Variants in IQGAP1 observed in about 807,000 individuals in gnomAD.
IQGAP1 encodes the protein ras GTPase-activating-like protein IQGAP1.
In IQGAP1, 66 loss-of-function variants were observed where a neutral mutation model predicts 215.6. The ratio of observed to expected loss-of-function variants is 0.31; its 90% CI spans 0.25 to 0.38. The LOEUF is 0.38. IQGAP1 is among the 10% of genes least tolerant of loss of function. The probability of loss-of-function intolerance (pLI) is 1.00; values close to 1 mark genes in which losing one functional copy is unlikely to be tolerated. For synonymous variants in IQGAP1, 772 were observed against 728.7 expected, an observed-to-expected ratio of 1.06 and a Z score of -0.96; for missense variants, 1,712 against 1,997.1, an observed-to-expected ratio of 0.86 and a Z score of 2.72.
At chr15:90,491,933 TG>T (rs1464824519) in intron 34 of IQGAP1, among the ~76,000 whole-genome samples, 1 of 152,240 alleles carries the variant, frequency 6.6e-6, no homozygotes, top group East Asian at 1.9e-4. Flanking sequence ...TGTTCTGTGC[TG>T]TTGCACTAAG....
Position 90,435,515 on chromosome 15 carries a change from A to C in IQGAP1, c.467+1720A>C, listed in dbSNP as rs557112143. 3.3e-4 allele frequency among the ~76,000 whole-genome samples: 50 copies of C among 152,336 alleles called. No homozygotes were observed. The South Asian group carries it at 8.7e-3, about 26-fold the overall frequency. ...AAACATTACCAAATATGTGTGTCTG[A>C]GTCCAGATCAGATTAATTCTGAGTA... On this transcript the variant is annotated intron_variant, in intron 5 of 37. Transcript: ENST00000268182.
intron 25 of IQGAP1, 118 bp downstream of exon 25, chr15:90,477,348 C>T (rs1226259649): frequency 2.3e-6 from 2 of 864,658 alleles, no homozygotes; most frequent in African/African-American, 3.4e-5. Context: ...AAAATACTTA[C>T]TCTAAAGAAG....
At chr15:90,467,614 A>T (rs369163326) in intron 18 of IQGAP1, 22 bp downstream of exon 18, 27 of 1,593,364 alleles carry the variant, frequency 1.7e-5, no homozygotes, top group African/African-American at 1.6e-4. Flanking sequence ...TTCTTCACGT[A>T]AGAAGAAGCT....
Position 90,501,818 on chromosome 15 carries a change from G to A in IQGAP1, c.*1710G>A, listed in dbSNP as rs572872439. 3 of 152,280 alleles carry A rather than the reference G, an allele frequency of 2.0e-5. No individual in the cohort carries two copies. The highest frequency in any genetic ancestry group is 7.2e-5 in the African/African-American group (3 of 41,528). 9.4% of individuals were successfully genotyped at this position (152,280 alleles called of 1,614,324 possible). ...GTGTGTCAACCCTGTTTCCTTAAAA[G>A]AGGCTATGAATCCCAAAGGCCACAT... On this transcript the variant is annotated 3_prime_UTR_variant, in exon 38 of 38. Transcript: ENST00000268182.
intron 17 of IQGAP1, 58 bp downstream of exon 17, chr15:90,466,494 A>ACCCCC: frequency 5.4e-6 from 8 of 1,476,666 alleles, no homozygotes; most frequent in Non-Finnish European, 7.6e-6. Flanking sequence ...ATATGAGGGG[A>ACCCCC]CAGATGTAGA....
chr15:90,428,506 G>C (rs62020723), intron 3 of IQGAP1, among the ~76,000 whole-genome samples: 29,158 of 151,862 alleles, frequency 0.19, 2,934 homozygotes, highest in Middle Eastern at 0.23. Flanking sequence ...TGGCTGGGAG[G>C]AGTGGCTCAT....
intron 37 of IQGAP1, among the ~76,000 whole-genome samples, chr15:90,497,886 C>T (rs887006025): frequency 6.6e-6 from 1 of 152,158 alleles, no homozygotes; most frequent in Non-Finnish European, 1.5e-5. Flanking sequence ...CGAGAGGATT[C>T]CTAGGTGACA....
intron 2 of IQGAP1, among the ~76,000 whole-genome samples, chr15:90,412,972 C>G (rs538139807): frequency 4.6e-5 from 7 of 152,234 alleles, no homozygotes; most frequent in African/African-American, 1.7e-4. Context: ...CTCCACAGAC[C>G]CCTAATTCAG....
chr15:90,494,939 A>T, intron 36 of IQGAP1, 104 bp downstream of exon 36: 1 of 744,012 alleles, frequency 1.3e-6, no homozygotes. Flanking sequence ...TACTTTTAGT[A>T]TTTTTTATGT....
intron 3 of IQGAP1, among the ~76,000 whole-genome samples, chr15:90,426,902 G>A (rs1175800392): frequency 1.4e-5 from 2 of 148,016 alleles, no homozygotes; most frequent in African/African-American, 5.1e-5. Flanking sequence ...GCAGTGAGCC[G>A]AGATCATGAC....
intron 22 of IQGAP1, 136 bp downstream of exon 22, chr15:90,474,269 T>A: frequency 1.2e-6 from 1 of 829,448 alleles, no homozygotes. Flanking sequence ...CATAAGCCCC[T>A]TTGCTAACAT....
Position 90,466,584 on chromosome 15 carries a change from CT to C in IQGAP1, c.2035+149del, listed in dbSNP as rs1378485866. 2.5e-5 allele frequency: 19 copies of C among 751,342 alleles called. 1 individual carries two copies. The highest frequency in any genetic ancestry group is 4.0e-5 in the Non-Finnish European group (19 of 479,474). The allele number at this position is 751,342 out of a possible 1,614,324, so 46.5% of individuals were successfully genotyped here. ...GCTCATTTTAAAGGAGATAAAATCC[CT>C]ATTTTTGAAAATATCCTTCCCCCCC... is the stretch of plus-strand genomic sequence containing the variant. On this transcript the variant is annotated intron_variant, in intron 17 of 37. Transcript: ENST00000268182.
At chr15:90,488,290 C>T (rs953263686) in intron 33 of IQGAP1, among the ~76,000 whole-genome samples, 82 of 151,678 alleles carry the variant, frequency 5.4e-4, no homozygotes, top group African/African-American at 1.8e-3. Context: ...CATATACTTA[C>T]GTTCTCCCAT....
intron 2 of IQGAP1, among the ~76,000 whole-genome samples, chr15:90,420,736 A>AT (rs1204224210): frequency 6.6e-6 from 1 of 152,176 alleles, no homozygotes; most frequent in Admixed American, 6.5e-5. Flanking sequence ...AGATTGATTG[A>AT]TTTTGAGACA....
At chr15:90,438,252 T>C (rs1200542476) in intron 5 of IQGAP1, among the ~76,000 whole-genome samples, 1 of 152,256 alleles carries the variant, frequency 6.6e-6, no homozygotes. Context: ...ATCTGTAAAG[T>C]ACCCTTCTGA....
intron 2 of IQGAP1, among the ~76,000 whole-genome samples, chr15:90,394,834 T>C (rs1340068785): frequency 6.6e-6 from 1 of 152,212 alleles, no homozygotes; most frequent in Non-Finnish European, 1.5e-5. Context: ...TTTAGTACAG[T>C]GGCCCCATTG....
intron 36 of IQGAP1, among the ~76,000 whole-genome samples, chr15:90,496,306 CTTTTTTT>C (rs552222380): frequency 1.4e-4 from 15 of 106,118 alleles, no homozygotes; most frequent in African/African-American, 5.3e-4. Context: ...AGCATAATCC[CTTTTTTT>C]TTTTTTTTTT....
intron 3 of IQGAP1, among the ~76,000 whole-genome samples, chr15:90,429,239 T>C (rs1199954226): frequency 6.6e-6 from 1 of 152,242 alleles, no homozygotes; most frequent in Non-Finnish European, 1.5e-5. Context: ...TTAGTTTTTA[T>C]ACATACAAAG....
chr15:90,495,384 A>G lies in IQGAP1; in HGVS notation c.4751+549A>G, dbSNP rs540324210. The stretch of plus-strand genomic sequence containing the variant: ...TCTTCTTTTGTCTGTTTAGGGGGGG[A>G]AAAAAAACAACTTTTAAAAAAAGAA... On this transcript the variant is annotated intron_variant, in intron 36 of 37. Transcript: ENST00000268182. Among the ~76,000 whole-genome samples the G allele has an allele frequency of 4.8e-3, 518 of 108,052 alleles. 4 individuals are homozygous for G. Among genetic ancestry groups the G allele is most frequent in the Non-Finnish European group, 5.0e-3 (261 of 51,738 alleles). The allele number at this position is 108,052 out of a possible 152,430, so 70.9% of individuals were successfully genotyped here.
Sources: allele counts gnomAD v4.1 joint callset (sites outside exome capture counted in the v4.1 genomes callset), GRCh38; gene constraint gnomAD v4.1.1; transcripts MANE v1.5; gene names NCBI Gene and HGNC (gene_info 2026-07-23, HGNC 2026-07-21).